The following SV2C variants were observed in gnomAD, a reference collection of about 807,000 sequenced individuals.
SV2C encodes synaptic vesicle glycoprotein 2C, also known as solute carrier family 22 member B3.
SV2C carries 49 observed loss-of-function variants against 79.7 expected under a neutral mutation model. That is an observed-to-expected ratio of 0.61 (90% confidence interval 0.49 to 0.78). The LOEUF (loss-of-function observed/expected upper bound fraction) is 0.78. SV2C is among the 30% of genes least tolerant of loss of function. SV2C has a pLI of 0.00. For synonymous variants in SV2C, 334 were observed against 333.2 expected, an observed-to-expected ratio of 1.00 and a Z score of -0.03; for missense variants, 833 against 912.9, an observed-to-expected ratio of 0.91 and a Z score of 1.13.
chr5:76,180,606 A>G (rs1444355371), intron 2 of SV2C, among the ~76,000 whole-genome samples: 1 of 152,116 alleles, frequency 6.6e-6, no homozygotes, highest in African/African-American at 2.4e-5. Context: ...TTGCAGTTGT[A>G]CTTAGCTACA....
intron 12 of SV2C, among the ~76,000 whole-genome samples, chr5:76,318,783 T>C (rs190334049): frequency 4.6e-4 from 70 of 152,332 alleles, no homozygotes; most frequent in Admixed American, 2.2e-3. Context: ...AGCAATAGAA[T>C]GACACTAGAT....
chr5:76,336,569 C>T (rs1160631389), downstream of SV2C, among the ~76,000 whole-genome samples: 26 of 152,136 alleles, frequency 1.7e-4, no homozygotes, highest in South Asian at 2.1e-4. Context: ...CGCAGTGAGC[C>T]GAGACCACGC....
At chr5:76,123,826 G>C (rs1748615700) in intron 1 of SV2C, among the ~76,000 whole-genome samples, 1 of 152,146 alleles carries the variant, frequency 6.6e-6, no homozygotes, top group Admixed American at 6.6e-5. Flanking sequence ...TACTAAACTT[G>C]TGATAAAGTT....
chr5:76,289,304 C>T (rs1747464109), intron 6 of SV2C, among the ~76,000 whole-genome samples: 1 of 152,170 alleles, frequency 6.6e-6, no homozygotes, highest in Non-Finnish European at 1.5e-5. Flanking sequence ...TAGCTGATCT[C>T]AGCTATTTCC....
At chr5:76,334,079 T>A (rs1749260823), downstream of SV2C, 1 of 152,176 alleles carries the variant, frequency 6.6e-6, no homozygotes, top group African/African-American at 2.4e-5. Context: ...TTGAATTGTT[T>A]CTGTGGGCTG....
intron 2 of SV2C, among the ~76,000 whole-genome samples, chr5:76,177,736 T>A (rs1232708785): frequency 6.6e-6 from 1 of 152,120 alleles, no homozygotes; most frequent in African/African-American, 2.4e-5. Context: ...TGTGTGACTT[T>A]GGAACTTGGA....
intron 4 of SV2C, among the ~76,000 whole-genome samples, chr5:76,232,229 A>T (rs1259593022): frequency 6.8e-6 from 1 of 146,144 alleles, no homozygotes; most frequent in East Asian, 1.9e-4. Flanking sequence ...GGCTGCATAA[A>T]TGTCTTCTTT....
chr5:76,040,912 C>A, the SV2C span, among the ~76,000 whole-genome samples: 1 of 152,178 alleles, frequency 6.6e-6, no homozygotes, highest in Non-Finnish European at 1.5e-5. Flanking sequence ...GTTGCAGTAT[C>A]ATAGCCTACC....
At chr5:75,940,195 C>G in the SV2C span, among the ~76,000 whole-genome samples, 1 of 152,062 alleles carries the variant, frequency 6.6e-6, no homozygotes, top group Non-Finnish European at 1.5e-5. Flanking sequence ...AAAACCTCAT[C>G]TCTACAAAAA....
At chr5:75,929,042 A>T in the SV2C span, among the ~76,000 whole-genome samples, 36,413 of 151,916 alleles carry the variant, frequency 0.24, 5,081 homozygotes, top group East Asian at 0.41. Context: ...CATTATGGCT[A>T]GGTTTCAAAT....
chr5:75,901,954 C>A, the SV2C span, among the ~76,000 whole-genome samples: 2,537 of 148,386 alleles, frequency 0.017, 36 homozygotes, highest in African/African-American at 0.045. Flanking sequence ...GCGCAGTATT[C>A]GGGTGGGAGT....
chr5:75,911,495 G>A, the SV2C span: 2 of 791,528 alleles, frequency 2.5e-6, no homozygotes, highest in Non-Finnish European at 4.2e-6. Flanking sequence ...CCAGCCTCTG[G>A]AGGGGGTTCA....
chr5:76,136,953 A>G (rs1255427002), intron 2 of SV2C, among the ~76,000 whole-genome samples: 1 of 152,192 alleles, frequency 6.6e-6, no homozygotes, highest in Non-Finnish European at 1.5e-5. Context: ...TCATGAAATC[A>G]TTAGACCTGT....
chr5:75,941,979 A>G, the SV2C span, among the ~76,000 whole-genome samples: 1 of 152,212 alleles, frequency 6.6e-6, no homozygotes, highest in South Asian at 2.1e-4. Flanking sequence ...AGCCTATAGT[A>G]TTAGCTCATA....
At chr5:76,149,134 C>G (rs2112225333) in intron 2 of SV2C, among the ~76,000 whole-genome samples, 1 of 152,272 alleles carries the variant, frequency 6.6e-6, no homozygotes, top group African/African-American at 2.4e-5. Flanking sequence ...TTCTTGCCTT[C>G]TGTATGCCAG....
At chr5:75,888,080 A>G in the SV2C span, among the ~76,000 whole-genome samples, 2 of 152,242 alleles carry the variant, frequency 1.3e-5, no homozygotes, top group Non-Finnish European at 2.9e-5. Context: ...ATCATTATCG[A>G]AAATAGGATC....
chr5:76,014,465 A>G, the SV2C span, among the ~76,000 whole-genome samples: 1 of 152,218 alleles, frequency 6.6e-6, no homozygotes, highest in Non-Finnish European at 1.5e-5. Context: ...TGAAAGAAAA[A>G]AAAATTCTGT....
intron 3 of SV2C, among the ~76,000 whole-genome samples, chr5:76,201,112 G>A (rs1744427907): frequency 6.6e-6 from 1 of 152,228 alleles, no homozygotes; most frequent in Non-Finnish European, 1.5e-5. Flanking sequence ...TACAATGAAT[G>A]ATTTTCCTGC....
At chr5:76,274,672 CTTT>C (rs1321127201) in intron 4 of SV2C, among the ~76,000 whole-genome samples, 1 of 141,860 alleles carries the variant, frequency 7.0e-6, no homozygotes, top group African/African-American at 2.6e-5. Context: ...CTTTTTTTTC[CTTT>C]TTCTCCTTCT....
Sources: gnomAD v4.1 joint callset for allele counts (sites outside exome capture counted in the v4.1 genomes callset) on GRCh38, gnomAD v4.1.1 for gene constraint, MANE v1.5 for transcripts, NCBI Gene and HGNC (gene_info 2026-07-23, HGNC 2026-07-21) for gene names.